Variants in NDUFAF1 observed in about 807,000 individuals in gnomAD.
NDUFAF1 encodes the protein complex I intermediate-associated protein 30, mitochondrial.
NDUFAF1 carries 18 observed loss-of-function variants against 28.7 expected under a neutral mutation model. That is an observed-to-expected ratio of 0.63 (90% CI 0.43 to 0.93). NDUFAF1 has a LOEUF of 0.93. Ranked by LOEUF, NDUFAF1 falls within the 40% of genes least tolerant of loss-of-function variation. The pLI is 0.00. For missense variants in NDUFAF1, 404 were observed against 398.3 expected (o/e 1.01, Z -0.12); for synonymous variants, 113 against 139.7 (o/e 0.81, Z 1.35).
At chr15:41,395,153 C>T (rs1189403279) in intron 2 of NDUFAF1, 109 bp from the exon 3 acceptor site, 3 of 966,668 alleles carry the variant, frequency 3.1e-6, no homozygotes, top group Non-Finnish European at 4.9e-6. Flanking sequence ...ATTTTTCTGA[C>T]TTTCTGCCCC....
At chr15:41,388,701 T>C (rs1163255602) in intron 3 of NDUFAF1, among the ~76,000 whole-genome samples, 179 bp from the exon 4 acceptor site, 2 of 151,480 alleles carry the variant, frequency 1.3e-5, no homozygotes, top group Non-Finnish European at 2.9e-5. Flanking sequence ...AAGGGTTAAC[T>C]ATGAAAAAAA....
chr15:41,398,635 C>G (rs1029747243), intron 1 of NDUFAF1, among the ~76,000 whole-genome samples: 1 of 152,076 alleles, frequency 6.6e-6, no homozygotes. Context: ...ACTACAGGTG[C>G]ACACCACCAT....
intron 3 of NDUFAF1, among the ~76,000 whole-genome samples, chr15:41,392,705 G>T (rs995410174): frequency 6.6e-6 from 1 of 152,134 alleles, no homozygotes; most frequent in East Asian, 1.9e-4. Context: ...AGAACTGTGA[G>T]TCAATTAAAC....
intron 1 of NDUFAF1, among the ~76,000 whole-genome samples, chr15:41,398,810 T>C (rs969808760): frequency 6.7e-6 from 1 of 149,264 alleles, no homozygotes; most frequent in Admixed American, 6.7e-5. Flanking sequence ...CAGAAATTAG[T>C]TGGTCATGTT....
chr15:41,397,035 G>A lies in NDUFAF1; in HGVS notation c.25C>T (p.Arg9Cys), dbSNP rs1420527153. 3.7e-6 allele frequency: 6 copies of A among 1,613,278 alleles called. No homozygotes were observed. Among genetic ancestry groups the A allele is most frequent in the Non-Finnish European group, 3.4e-6 (4 of 1,179,850 alleles). MALVHKLL[R>C]GTYFLRKFSK... is the part of the protein sequence containing the mutation. ...AATTTTCTGAGAAAATAAGTACCAC[G>A]CAGCAATTTGTGAACCAAAGCCATG... Residue 9 changes from arginine (R) to cysteine (C), a missense_variant, in exon 2 of 5, where the codon CGT (arginine) becomes TGT (cysteine). Physicochemically the swap from Arg to Cys is radical, Grantham distance 180 (BLOSUM62 -3). Coordinates refer to ENST00000260361, the MANE Select transcript of NDUFAF1 (RefSeq NM_016013.4).
At chr15:41,395,933 C>T (rs1184504055) in intron 2 of NDUFAF1, among the ~76,000 whole-genome samples, 1 of 151,422 alleles carries the variant, frequency 6.6e-6, no homozygotes. Flanking sequence ...ACTAAAAATA[C>T]AAAAATTAGC....
intron 3 of NDUFAF1, among the ~76,000 whole-genome samples, chr15:41,390,881 A>G (rs2050308142): frequency 6.6e-6 from 1 of 151,362 alleles, no homozygotes; most frequent in African/African-American, 2.4e-5. Context: ...AAATACAAAA[A>G]ATTAGCTGGG....
At chr15:41,400,947 A>T (rs1288303922) in intron 1 of NDUFAF1, among the ~76,000 whole-genome samples, 1 of 151,418 alleles carries the variant, frequency 6.6e-6, no homozygotes, top group Admixed American at 6.6e-5. Context: ...TACAGACACC[A>T]ATAGGTAAAA....
At chr15:41,392,372 C>T (rs1270713210) in intron 3 of NDUFAF1, among the ~76,000 whole-genome samples, 1 of 152,088 alleles carries the variant, frequency 6.6e-6, no homozygotes, top group East Asian at 1.9e-4. Context: ...CCTAGCCCAG[C>T]CTGGACTTTA....
chr15:41,401,659 C>A (rs890684912), intron 1 of NDUFAF1, among the ~76,000 whole-genome samples: 1 of 151,878 alleles, frequency 6.6e-6, no homozygotes, highest in Non-Finnish European at 1.5e-5. Flanking sequence ...CTCCTGACCT[C>A]AAGTGATCCG....
rs2050476623 is a variant in NDUFAF1 at position 41,402,386 on chromosome 15, C to G, written c.-324G>C. On this transcript the variant is annotated 5_prime_UTR_variant, in exon 1 of 5. Transcript: ENST00000260361. Reference sequence around the variant, plus strand: ...GGGAGGCCCCCTCAACCCTCAAGTGCCAGGGCTCTGTCGCCTCCCCACACC... The same window carrying G: ...GGGAGGCCCCCTCAACCCTCAAGTGGCAGGGCTCTGTCGCCTCCCCACACC... 2.2e-6 allele frequency: 1 copy of G among 451,186 alleles called. No homozygotes were observed. The highest frequency in any genetic ancestry group is 2.0e-5 in the African/African-American group (1 of 49,970). The allele number at this position is 451,186 out of a possible 1,614,324, so 27.9% of individuals were successfully genotyped here.
rs1391715259 is a variant in NDUFAF1, at chr15:41,396,799, T to A, written c.261A>T (p.Arg87Ser). The change falls in exon 2 of 5, where the codon AGA becomes AGT. Residue 87 changes from arginine (R) to serine (S), a missense_variant. Physicochemically the swap from Arg to Ser is moderately radical, Grantham distance 110 (BLOSUM62 -1). Coordinates refer to ENST00000260361, the MANE Select transcript of NDUFAF1 (RefSeq NM_016013.4). ...GCCTAAAATGGTATATTGCTTCATC[T>A]CTAATTGCTTTATCGAAACTAACAT... ...KPDVSFDKAI[R>S]DEAIYHFRLL... 7 of 1,614,156 alleles carry A rather than the reference T, an allele frequency of 4.3e-6. No homozygotes were observed. Among genetic ancestry groups the A allele is most frequent in the Non-Finnish European group, 5.9e-6 (7 of 1,180,052 alleles).
intron 4 of NDUFAF1, 96 bp from the exon 5 acceptor site, chr15:41,387,689 T>G: frequency 1.0e-6 from 1 of 1,000,798 alleles, no homozygotes. Flanking sequence ...TGATTATAAC[T>G]GGGTTTTAAT....
chr15:41,396,664 A>T lies in NDUFAF1; in HGVS notation c.396T>A (p.Asp132Glu). Residue 132 changes from aspartate to glutamate, a missense_variant, in exon 2 of 5, where the codon GAT becomes GAA. By Grantham distance (45) the Asp-to-Glu change is conservative. Transcript: ENST00000260361. ...CAGAAGTCACTGTCCACTTATCCAA[A>T]TCTTCTTTCCCCCGGAATTGCCAGA... Reference protein sequence around the residue: ...KVVWQFRGKEDLDKWTVTSDK... With the variant: ...KVVWQFRGKEELDKWTVTSDK... 1 of 1,614,068 alleles carries T rather than the reference A, an allele frequency of 6.2e-7. No individual in the cohort carries two copies. The highest frequency in any genetic ancestry group is 8.5e-7 in the Non-Finnish European group (1 of 1,180,026).
intron 3 of NDUFAF1, among the ~76,000 whole-genome samples, chr15:41,388,865 C>T (rs1490271950): frequency 6.7e-6 from 1 of 149,076 alleles, no homozygotes; most frequent in Admixed American, 6.7e-5. Flanking sequence ...TCAGCCTGGG[C>T]GATAGAGCTA....
At chr15:41,389,200 A>G (rs1430726455) in intron 3 of NDUFAF1, among the ~76,000 whole-genome samples, 3 of 150,780 alleles carry the variant, frequency 2.0e-5, no homozygotes, top group African/African-American at 7.3e-5. Context: ...CTCCCACCTC[A>G]GCTTCCTGAG....
chr15:41,390,903 G>A (rs910074107), intron 3 of NDUFAF1, among the ~76,000 whole-genome samples: 1 of 151,698 alleles, frequency 6.6e-6, no homozygotes, highest in African/African-American at 2.4e-5. Context: ...GTGGTGGTGG[G>A]CACCTGCAGT....
intron 3 of NDUFAF1, among the ~76,000 whole-genome samples, chr15:41,391,727 G>C (rs2050319176): frequency 6.6e-6 from 1 of 152,076 alleles, no homozygotes; most frequent in African/African-American, 2.4e-5. Flanking sequence ...TATGAAGAAA[G>C]TTATAGGATG....
Position 41,387,440 on chromosome 15 carries a change from A to G in NDUFAF1, c.*4T>C, listed in dbSNP as rs1208633140. ...ATTAGTAAAACAAAACTACCATATG[A>G]TCTTTATTTAAAAAGCCTTGGGTTA... On this transcript the variant is annotated 3_prime_UTR_variant, in exon 5 of 5. Transcript: ENST00000260361. 1 of 1,612,956 alleles carries G rather than the reference A, an allele frequency of 6.2e-7. No individual in the cohort carries two copies. Among genetic ancestry groups the G allele is most frequent in the East Asian group, 2.2e-5 (1 of 44,846 alleles).
Sources: gnomAD v4.1 joint callset for allele counts (sites outside exome capture counted in the v4.1 genomes callset) on GRCh38, gnomAD v4.1.1 for gene constraint, MANE v1.5 for transcripts, NCBI Gene and HGNC (gene_info 2026-07-23, HGNC 2026-07-21) for gene names.